Variants in ADAMTS20 observed in about 807,000 individuals in gnomAD.
The protein encoded by ADAMTS20 is A disintegrin and metalloproteinase with thrombospondin motifs 20.
In ADAMTS20, 225 loss-of-function variants were observed where a neutral mutation model predicts 260.1. That is an observed-to-expected ratio of 0.87 (90% CI 0.78 to 0.97). The LOEUF is 0.97. Among genes scored for constraint, ADAMTS20 ranks in the 50% least tolerant of loss-of-function variants. ADAMTS20 has a pLI of 0.00. For synonymous variants in ADAMTS20, 802 were observed against 769.5 expected, an observed-to-expected ratio of 1.04 and a Z score of -0.70; for missense variants, 2,400 against 2,337.7, an observed-to-expected ratio of 1.03 and a Z score of -0.55.
At chr12:43,407,759 CATT>C (rs1196034846) in intron 28 of ADAMTS20, among the ~76,000 whole-genome samples, 2 of 152,072 alleles carry the variant, frequency 1.3e-5, no homozygotes, top group African/African-American at 4.8e-5. Context: ...AACCTGCAAA[CATT>C]AGTTATTGAA....
intron 7 of ADAMTS20, among the ~76,000 whole-genome samples, chr12:43,470,113 C>G (rs1196249686): frequency 6.6e-6 from 1 of 152,076 alleles, no homozygotes; most frequent in Non-Finnish European, 1.5e-5. Context: ...TACTGGTTTC[C>G]TTAAGATTCT....
At chr12:43,539,444 A>G (rs996000068) in intron 2 of ADAMTS20, among the ~76,000 whole-genome samples, 1 of 152,236 alleles carries the variant, frequency 6.6e-6, no homozygotes, top group South Asian at 2.1e-4. Flanking sequence ...TAAAGCACTG[A>G]AATTATAGTC....
intron 12 of ADAMTS20, 42 bp downstream of exon 12, chr12:43,453,865 C>G (rs1941914231): frequency 6.4e-7 from 1 of 1,554,444 alleles, no homozygotes; most frequent in African/African-American, 1.4e-5. Context: ...TTTCTGGTGC[C>G]TTGAGATAAT....
chr12:43,402,143 C>T (rs918350506), intron 28 of ADAMTS20, among the ~76,000 whole-genome samples: 6 of 152,000 alleles, frequency 3.9e-5, no homozygotes, highest in South Asian at 2.1e-4. Flanking sequence ...ATCTACCCAG[C>T]TTCCTGAAGG....
At chr12:43,402,628 A>G (rs1940831954) in intron 28 of ADAMTS20, among the ~76,000 whole-genome samples, 1 of 152,036 alleles carries the variant, frequency 6.6e-6, no homozygotes, top group African/African-American at 2.4e-5. Flanking sequence ...ACCATAATAC[A>G]TTCTAAGTTG....
chr12:43,456,054 TATG>T (rs1211950484), intron 11 of ADAMTS20, among the ~76,000 whole-genome samples: 1 of 152,218 alleles, frequency 6.6e-6, no homozygotes, highest in Non-Finnish European at 1.5e-5. Flanking sequence ...AGCTGGAGAA[TATG>T]ATAATTCGAT....
chr12:43,356,801 G>A (rs191130040), intron 37 of ADAMTS20, among the ~76,000 whole-genome samples: 174 of 152,224 alleles, frequency 1.1e-3, no homozygotes, highest in African/African-American at 3.9e-3. Context: ...TAGTGTTCAC[G>A]GGGACCAACA....
intron 28 of ADAMTS20, among the ~76,000 whole-genome samples, chr12:43,415,036 A>G (rs781734997): frequency 2.6e-5 from 4 of 152,190 alleles, no homozygotes; most frequent in African/African-American, 7.2e-5. Flanking sequence ...TATACAATAC[A>G]GTACTAGGAT....
intron 37 of ADAMTS20, among the ~76,000 whole-genome samples, chr12:43,368,330 C>A (rs886325175): frequency 1.3e-5 from 2 of 152,066 alleles, no homozygotes; most frequent in Non-Finnish European, 2.9e-5. Context: ...ACACCTATGT[C>A]TTTTTCATGT....
intron 28 of ADAMTS20, among the ~76,000 whole-genome samples, chr12:43,402,438 G>A (rs994017529): frequency 2.6e-5 from 4 of 152,098 alleles, no homozygotes; most frequent in South Asian, 2.1e-4. Flanking sequence ...AAGAGGGTAA[G>A]TACAGATTCT....
rs146412480 is a variant in ADAMTS20, at chr12:43,403,564, A to G, written c.4285-4331T>C. On this transcript the variant is annotated intron_variant, in intron 28 of 38. Coordinates refer to ENST00000389420, the MANE Select transcript of ADAMTS20 (RefSeq NM_025003.5). ...ATAAACTGTGCCCTTTATAGATTTT[A>G]CAAGCTGGGTAACTATAAAATACCT... is the stretch of plus-strand genomic sequence containing the variant. Among the ~76,000 whole-genome samples, 955 of 152,286 alleles carry G rather than the reference A, an allele frequency of 6.3e-3. 8 individuals carry two copies. Among genetic ancestry groups the G allele is most frequent in the African/African-American group, 0.022 (926 of 41,564 alleles).
intron 11 of ADAMTS20, among the ~76,000 whole-genome samples, chr12:43,459,622 G>T (rs1304131390): frequency 1.3e-5 from 2 of 152,218 alleles, no homozygotes; most frequent in Admixed American, 6.5e-5. Context: ...AAGAAAATGA[G>T]AAATAGTGTA....
At position 43,493,182 on chromosome 12, in the gene ADAMTS20, A is replaced by G; in HGVS notation, c.939T>C (p.Ile313=). 6.4e-7 allele frequency: 1 copy of G among 1,560,636 alleles called. No homozygotes were observed. The highest frequency in any genetic ancestry group is 1.8e-4 in the Middle Eastern group (1 of 5,648). ...ACCTGTTTCTTACCTCCTCACGGTGAATCATAACTAATTTTACCACTACTA... is the reference window on the plus strand; with the variant it reads ...ACCTGTTTCTTACCTCCTCACGGTGGATCATAACTAATTTTACCACTACTA... ...IHIVVVKLVM[I]HREEEGPVIN... Residue 313 remains isoleucine (I), a synonymous_variant, in exon 5 of 39, where the codon ATT becomes ATC. Transcript: ENST00000389420.
At chr12:43,400,105 C>T (rs1365580329) in intron 28 of ADAMTS20, among the ~76,000 whole-genome samples, 2 of 152,016 alleles carry the variant, frequency 1.3e-5, no homozygotes. Context: ...AGTCCTACTA[C>T]ACTTGGTAGA....
At chr12:43,519,494 C>T (rs1401305430) in intron 3 of ADAMTS20, among the ~76,000 whole-genome samples, 2 of 152,074 alleles carry the variant, frequency 1.3e-5, no homozygotes, top group Non-Finnish European at 2.9e-5. Flanking sequence ...GCAAGGTTGA[C>T]ACCTCATCTT....
At chr12:43,512,898 T>A (rs1942944854) in intron 3 of ADAMTS20, among the ~76,000 whole-genome samples, 1 of 152,194 alleles carries the variant, frequency 6.6e-6, no homozygotes, top group Non-Finnish European at 1.5e-5. Flanking sequence ...AAAGGTTGAA[T>A]GTGGTAATAT....
intron 26 of ADAMTS20, among the ~76,000 whole-genome samples, chr12:43,427,932 G>C (rs1334535601): frequency 6.6e-6 from 1 of 151,740 alleles, no homozygotes; most frequent in Non-Finnish European, 1.5e-5. Context: ...TTGGGATTTA[G>C]GTTTATTCAT....
chr12:43,493,634 A>G (rs1397840522), intron 4 of ADAMTS20, among the ~76,000 whole-genome samples: 1 of 152,214 alleles, frequency 6.6e-6, no homozygotes, highest in Non-Finnish European at 1.5e-5. Context: ...AACACATGTT[A>G]GAGTTTGGAA....
chr12:43,355,637 C>T (rs1030862274), intron 38 of ADAMTS20, among the ~76,000 whole-genome samples: 1 of 151,648 alleles, frequency 6.6e-6, no homozygotes, highest in Non-Finnish European at 1.5e-5. Context: ...TAGAGTATAC[C>T]GGGGCTGTTG....
Sources: allele counts gnomAD v4.1 joint callset (sites outside exome capture counted in the v4.1 genomes callset), GRCh38; gene constraint gnomAD v4.1.1; transcripts MANE v1.5; gene names NCBI Gene and HGNC (gene_info 2026-07-23, HGNC 2026-07-21).